Variants in ITGBL1 observed in about 807,000 individuals in gnomAD.
ITGBL1 encodes integrin beta-like protein 1.
ITGBL1 carries 51 observed loss-of-function variants against 68.5 expected under a neutral mutation model. The ratio of observed to expected loss-of-function variants is 0.74; its 90% CI spans 0.59 to 0.94. ITGBL1 has a LOEUF of 0.94. ITGBL1 is among the 40% of genes least tolerant of loss of function. ITGBL1 has a pLI of 0.00. For synonymous variants in ITGBL1, 209 were observed against 227.3 expected (o/e 0.92, Z 0.72); for missense variants, 649 against 647.4 (o/e 1.00, Z -0.03).
At chr13:101,480,169 A>T (rs4337161) in intron 2 of ITGBL1, among the ~76,000 whole-genome samples, 21,418 of 152,028 alleles carry the variant, frequency 0.14, 1,976 homozygotes, top group East Asian at 0.4. Context: ...CATTTGAAAC[A>T]ACATGGATGG....
At chr13:101,510,762 T>C (rs1039350187) in intron 2 of ITGBL1, among the ~76,000 whole-genome samples, 2 of 152,104 alleles carry the variant, frequency 1.3e-5, no homozygotes, top group African/African-American at 4.8e-5. Flanking sequence ...TGAGCATTTT[T>C]TCATATGTTT....
chr13:101,535,944 T>C (rs1288444467), intron 2 of ITGBL1, among the ~76,000 whole-genome samples: 2 of 152,232 alleles, frequency 1.3e-5, no homozygotes, highest in Admixed American at 6.6e-5. Context: ...ATATTTCTCA[T>C]GGTTAGTTCT....
intron 7 of ITGBL1, among the ~76,000 whole-genome samples, chr13:101,675,122 C>G (rs868761317): frequency 6.6e-6 from 1 of 152,222 alleles, no homozygotes; most frequent in Middle Eastern, 3.4e-3. Flanking sequence ...ATTTCATCAT[C>G]ATCTGGTTTG....
At chr13:101,579,676 T>C (rs971023481) in intron 5 of ITGBL1, among the ~76,000 whole-genome samples, 7 of 152,228 alleles carry the variant, frequency 4.6e-5, no homozygotes, top group Admixed American at 4.6e-4. Context: ...ACTTAGGGAC[T>C]GTAATTTCTT....
At chr13:101,710,586 C>T (rs2034416094) in intron 9 of ITGBL1, among the ~76,000 whole-genome samples, 2 of 152,200 alleles carry the variant, frequency 1.3e-5, no homozygotes, top group African/African-American at 4.8e-5. Context: ...ATTTCATGGA[C>T]TTGTCCAAAT....
intron 7 of ITGBL1, among the ~76,000 whole-genome samples, chr13:101,619,632 T>G (rs887839059): frequency 2.6e-5 from 4 of 152,194 alleles, no homozygotes; most frequent in Admixed American, 2.6e-4. Context: ...GCATAAAGTT[T>G]GTGGTAATTT....
chr13:101,600,695 T>A (rs2030313475), intron 7 of ITGBL1, among the ~76,000 whole-genome samples: 1 of 152,200 alleles, frequency 6.6e-6, no homozygotes, highest in Non-Finnish European at 1.5e-5. Flanking sequence ...ATTGAGATAA[T>A]CATGTGATTT....
In ITGBL1 at chr13:101,516,799, A is replaced by G. The variant is rs367729045; in HGVS notation, c.317-50900A>G. On this transcript the variant is annotated intron_variant, in intron 2 of 10. Transcript: ENST00000376180. ...AATGTTTTAATTAGTATGTTCACACACTTCCATGTAAACTGATTTGGGTTC... is the reference window on the plus strand; with the variant it reads ...AATGTTTTAATTAGTATGTTCACACGCTTCCATGTAAACTGATTTGGGTTC... 7.0e-4 allele frequency among the ~76,000 whole-genome samples: 106 copies of G among 152,288 alleles called. 1 individual carries two copies. In the South Asian group the frequency reaches 0.021, roughly 29 times the overall value.
intron 7 of ITGBL1, among the ~76,000 whole-genome samples, chr13:101,681,180 G>A (rs1441825115): frequency 6.6e-6 from 1 of 152,166 alleles, no homozygotes; most frequent in Non-Finnish European, 1.5e-5. Flanking sequence ...GCAAGAACAT[G>A]TGTGTTCTCT....
intron 8 of ITGBL1, among the ~76,000 whole-genome samples, chr13:101,695,974 C>T (rs1594987620): frequency 6.6e-6 from 1 of 152,192 alleles, no homozygotes; most frequent in East Asian, 1.9e-4. Context: ...TTGTGGGCTC[C>T]TTGAAAGCTG....
At position 101,598,137 on chromosome 13, in the gene ITGBL1, C is replaced by T. The variant is rs367697758; in HGVS notation, c.869-16C>T. ...CTTTATGTACATTTTTATTTTTTGC[C>T]ACTCTCACTGTGAAGGTCATGGACA... On this transcript the variant is annotated splice_polypyrimidine_tract_variant and intron_variant, in intron 6 of 10. Transcript: ENST00000376180. 21 of 1,574,188 alleles carry T rather than the reference C, an allele frequency of 1.3e-5. No homozygotes were observed. Among genetic ancestry groups the T allele is most frequent in the Non-Finnish European group, 1.7e-5 (20 of 1,164,990 alleles).
intron 2 of ITGBL1, among the ~76,000 whole-genome samples, chr13:101,543,003 C>T (rs369969289): frequency 7.9e-4 from 120 of 152,246 alleles, no homozygotes; most frequent in African/African-American, 2.6e-3. Context: ...GGTCTTGACT[C>T]TTTATCCAAT....
intron 7 of ITGBL1, among the ~76,000 whole-genome samples, chr13:101,628,437 C>CTT (rs986031242): frequency 6.4e-5 from 9 of 139,632 alleles, no homozygotes; most frequent in East Asian, 6.2e-4. Context: ...TTTTCTTTTT[C>CTT]TTTTTTTTTT....
intron 7 of ITGBL1, among the ~76,000 whole-genome samples, chr13:101,627,929 G>A (rs72659151): frequency 0.12 from 17,653 of 152,220 alleles, 1,284 homozygotes; most frequent in Non-Finnish European, 0.17. Context: ...AGGTTTTCAT[G>A]TGGACATTAA....
intron 2 of ITGBL1, among the ~76,000 whole-genome samples, chr13:101,511,979 A>T (rs2049122721): frequency 6.6e-6 from 1 of 152,154 alleles, no homozygotes; most frequent in South Asian, 2.1e-4. Context: ...AGACATACCA[A>T]AATGTGCAAT....
intron 2 of ITGBL1, among the ~76,000 whole-genome samples, chr13:101,540,896 A>G (rs2049684812): frequency 7.1e-6 from 1 of 140,344 alleles, no homozygotes; most frequent in Non-Finnish European, 1.5e-5. Context: ...ATTTTTGCAC[A>G]TTGATTTTGT....
chr13:101,665,396 T>TA (rs1361038354), intron 7 of ITGBL1, among the ~76,000 whole-genome samples: 5 of 152,016 alleles, frequency 3.3e-5, no homozygotes, highest in Admixed American at 2.6e-4. Flanking sequence ...ATAAATGACA[T>TA]AATTTTAAAA....
intron 7 of ITGBL1, among the ~76,000 whole-genome samples, chr13:101,658,764 G>C (rs2033000311): frequency 6.6e-6 from 1 of 152,080 alleles, no homozygotes; most frequent in Non-Finnish European, 1.5e-5. Flanking sequence ...AAAAATATGA[G>C]GAACTTGGTG....
At chr13:101,648,462 T>C (rs2032636925) in intron 7 of ITGBL1, among the ~76,000 whole-genome samples, 1 of 152,142 alleles carries the variant, frequency 6.6e-6, no homozygotes, top group African/African-American at 2.4e-5. Context: ...CATTTAATGA[T>C]GAAATATTTA....
Sources: allele counts gnomAD v4.1 joint callset (sites outside exome capture counted in the v4.1 genomes callset), GRCh38; gene constraint gnomAD v4.1.1; transcripts MANE v1.5; gene names NCBI Gene and HGNC (gene_info 2026-07-23, HGNC 2026-07-21).